The following INTS9 variants were observed in gnomAD, a reference collection of about 807,000 sequenced individuals.
INTS9 encodes integrator complex subunit 9, also known as protein related to CPSF subunits of 74 kDa.
Under a neutral mutation model 79.7 loss-of-function variants are expected in INTS9, and 55 were observed. The observed-to-expected ratio is 0.69, with a 90% confidence interval of 0.56 to 0.86. The LOEUF is 0.86. Ranked by LOEUF, INTS9 falls within the 40% of genes least tolerant of loss-of-function variation. The pLI, the probability that INTS9 is intolerant of heterozygous loss-of-function variation, is 0.00. For missense variants in INTS9, 721 were observed against 831.5 expected (o/e 0.87, Z 1.64); for synonymous variants, 319 against 325.2 (o/e 0.98, Z 0.20).
At chr8:28,793,757 G>A (rs750787675) in intron 10 of INTS9, 50 bp downstream of exon 10, 1 of 1,385,096 alleles carries the variant, frequency 7.2e-7, no homozygotes, top group Non-Finnish European at 9.8e-7. Flanking sequence ...CTGCTTGAAT[G>A]TCCTGAATCA....
rs114478352 is a variant in INTS9 at position 28,850,150 on chromosome 8, G to C, written c.198+63C>G. 2,126 of 1,361,996 alleles carry C rather than the reference G, an allele frequency of 1.6e-3. 27 individuals carry two copies. In the African/African-American group the frequency reaches 0.028, roughly 18 times the overall value. 84.4% of individuals were successfully genotyped at this position (1,361,996 alleles called of 1,614,324 possible). On this transcript the variant is annotated intron_variant, in intron 3 of 16. Coordinates refer to ENST00000521022, the MANE Select transcript of INTS9 (RefSeq NM_018250.4). ...AGTCACACTACTACAGGGTGGCTCT[G>C]GTATGAGAAGATAGCTTTCCACTGG...
intron 2 of INTS9, 90 bp from the exon 3 acceptor site, chr8:28,850,363 G>T: frequency 6.0e-6 from 6 of 1,005,374 alleles, no homozygotes; most frequent in Non-Finnish European, 7.5e-6. Flanking sequence ...ATAAAGTTAA[G>T]AACAGTTTAA....
In INTS9 at chr8:28,775,867, C is replaced by T. The variant is rs1000325657; in HGVS notation, c.1455G>A (p.Arg485=). The T allele has an allele frequency of 1.9e-6, 3 of 1,611,938 alleles. No homozygotes were observed. Among genetic ancestry groups the T allele is most frequent in the East Asian group, 4.5e-5 (2 of 44,878 alleles). ...GCTGGCAGTCGATCATGAGGTCCAT[C>T]CTGTGGGACTGGGCTGGGGGCGGCT... ...YTQPPPAQSH[R]MDLMIDCQPP... is the part of the protein sequence containing the mutation. The change falls in exon 14 of 17, where the codon AGG becomes AGA. Residue 485 remains arginine, a synonymous_variant. Coordinates refer to ENST00000521022, the MANE Select transcript of INTS9 (RefSeq NM_018250.4).
At position 28,850,197 on chromosome 8, in the gene INTS9, T is replaced by C. The variant is rs1218123652; in HGVS notation, c.198+16A>G. ...CTGGCTGTAGATAGGCTTTAGTTTG[T>C]AGTCTTAGATATTACCTTGTCCAAG... On this transcript the variant is annotated intron_variant, in intron 3 of 16. Transcript: ENST00000521022. The C allele has an allele frequency of 1.2e-6, 2 of 1,606,432 alleles. No homozygotes were observed. Among genetic ancestry groups the C allele is most frequent in the South Asian group, 2.2e-5 (2 of 90,848 alleles).
chr8:28,859,377 T>C, intron 2 of INTS9, 59 bp downstream of exon 2: 1 of 1,589,922 alleles, frequency 6.3e-7, no homozygotes, highest in South Asian at 1.1e-5. Context: ...TTCATACTAA[T>C]GGTACCATTT....
At chr8:28,775,208 G>A (rs1802794445) in intron 14 of INTS9, among the ~76,000 whole-genome samples, 1 of 152,200 alleles carries the variant, frequency 6.6e-6, no homozygotes, top group African/African-American at 2.4e-5. Context: ...GACCCATGAT[G>A]TGGCCCAGGG....
intron 1 of INTS9, 182 bp from the exon 2 acceptor site, chr8:28,859,745 C>T (rs946602414): frequency 2.8e-6 from 2 of 703,726 alleles, no homozygotes; most frequent in South Asian, 1.5e-5. Flanking sequence ...GTTCAAAATA[C>T]TCAAAATTCT....
At chr8:28,801,665 G>A (rs973799020) in intron 8 of INTS9, among the ~76,000 whole-genome samples, 13 of 152,176 alleles carry the variant, frequency 8.5e-5, no homozygotes, top group African/African-American at 2.9e-4. Flanking sequence ...AGACTGGAGT[G>A]CAATGGCGTG....
intron 3 of INTS9, 91 bp downstream of exon 3, chr8:28,850,122 A>G (rs550172147): frequency 7.8e-6 from 7 of 900,032 alleles, no homozygotes; most frequent in South Asian, 7.0e-5. Flanking sequence ...AAAAAAAGCC[A>G]TCAGTCACAC....
chr8:28,773,463 CAAAAA>C (rs142334976), intron 14 of INTS9, among the ~76,000 whole-genome samples: 1 of 107,820 alleles, frequency 9.3e-6, no homozygotes, highest in Non-Finnish European at 1.9e-5. Flanking sequence ...GACTCCGTCT[CAAAAA>C]AAAAAAAAAA....
intron 11 of INTS9, among the ~76,000 whole-genome samples, 186 bp from the exon 12 acceptor site, chr8:28,781,180 G>A (rs953054757): frequency 6.6e-6 from 1 of 152,062 alleles, no homozygotes; most frequent in African/African-American, 2.4e-5. Flanking sequence ...TATGAACTCC[G>A]AAACCTCAGC....
chr8:28,771,852 C>T (rs1190179839), intron 14 of INTS9, among the ~76,000 whole-genome samples: 2 of 152,038 alleles, frequency 1.3e-5, no homozygotes, highest in Non-Finnish European at 1.5e-5. Flanking sequence ...ATTTCCAAGA[C>T]GACTCTGAAG....
intron 11 of INTS9, among the ~76,000 whole-genome samples, chr8:28,787,495 T>C (rs1440829585): frequency 1.3e-5 from 2 of 152,200 alleles, no homozygotes; most frequent in Admixed American, 1.3e-4. Flanking sequence ...ACCAACATGA[T>C]GCTCAAAGGA....
rs1314025705 is a variant in INTS9 at position 28,881,224 on chromosome 8, G to A, written c.9+8650C>T. The stretch of plus-strand genomic sequence containing the variant: ...TGGGAAGTGAGGAGCCCCTCTGCCC[G>A]GCCAGTCGCCCCGTCCAGGAGGGAG... On this transcript the variant is annotated intron_variant, in intron 1 of 16. Coordinates refer to ENST00000521022, the MANE Select transcript of INTS9 (RefSeq NM_018250.4). 6.7e-5 allele frequency among the ~76,000 whole-genome samples: 10 copies of A among 148,720 alleles called. No individual in the cohort carries two copies. The South Asian group carries it at 1.1e-3, about 16-fold the overall frequency.
intron 7 of INTS9, among the ~76,000 whole-genome samples, chr8:28,813,099 T>G (rs542812770): frequency 6.6e-6 from 1 of 152,304 alleles, no homozygotes; most frequent in Non-Finnish European, 1.5e-5. Flanking sequence ...TAGGCCCTTG[T>G]TGTTCGGTAC....
At chr8:28,835,941 T>C (rs1402915590) in intron 5 of INTS9, among the ~76,000 whole-genome samples, 1 of 152,078 alleles carries the variant, frequency 6.6e-6, no homozygotes, top group Non-Finnish European at 1.5e-5. Context: ...CTCGAGTAGC[T>C]GGGATTACAG....
chr8:28,828,080 A>G (rs1806258345), intron 6 of INTS9, among the ~76,000 whole-genome samples: 1 of 152,188 alleles, frequency 6.6e-6, no homozygotes, highest in Non-Finnish European at 1.5e-5. Flanking sequence ...CCGCTCTCTG[A>G]GGGCCTGCCT....
At chr8:28,837,152 G>A (rs1014700622) in intron 5 of INTS9, among the ~76,000 whole-genome samples, 1 of 152,262 alleles carries the variant, frequency 6.6e-6, no homozygotes, top group Non-Finnish European at 1.5e-5. Context: ...GTTTCACTCT[G>A]TCAACAGCAG....
At chr8:28,814,341 C>T (rs76237188) in intron 6 of INTS9, among the ~76,000 whole-genome samples, 3,193 of 150,920 alleles carry the variant, frequency 0.021, 125 homozygotes, top group South Asian at 0.14. Flanking sequence ...CACACTCTCA[C>T]ACACACACCC....
Sources: allele counts gnomAD v4.1 joint callset (sites outside exome capture counted in the v4.1 genomes callset), GRCh38; gene constraint gnomAD v4.1.1; transcripts MANE v1.5; gene names NCBI Gene and HGNC (gene_info 2026-07-23, HGNC 2026-07-21).